KMT2C: variants seen among roughly 807,000 people sequenced by gnomAD.
The protein encoded by KMT2C is lysine methyltransferase 2C.
KMT2C carries 88 observed loss-of-function variants against 507.9 expected under a neutral mutation model. The observed-to-expected ratio is 0.17, with a 90% CI of 0.15 to 0.21. The LOEUF is 0.21. Among genes scored for constraint, KMT2C ranks in the 10% least tolerant of loss-of-function variants. The pLI, the probability that KMT2C is intolerant of heterozygous loss-of-function variation, is 1.00. For synonymous variants in KMT2C, 2,049 were observed against 2,080.8 expected, an observed-to-expected ratio of 0.98 and a Z score of 0.42; for missense variants, 4,954 against 5,957.8, an observed-to-expected ratio of 0.83 and a Z score of 5.55.
rs2095532262 is a variant in KMT2C, at chr7:152,249,679, A to AAAAAAAAC, written c.1813+196_1813+197insGTTTTTTT. Among the ~76,000 whole-genome samples, 2 of 137,588 alleles carry AAAAAAAAC rather than the reference A, an allele frequency of 1.5e-5. 1 individual carries two copies. The highest frequency in any genetic ancestry group is 6.8e-5 in the African/African-American group (2 of 29,578). 90.3% of individuals were successfully genotyped at this position (137,588 alleles called of 152,430 possible). A position where few individuals can be genotyped will look rare whatever the true frequency, so the allele number is the denominator to read the frequency against. On this transcript the variant is annotated intron_variant, in intron 13 of 58. Coordinates refer to ENST00000262189, the MANE Select transcript of KMT2C (RefSeq NM_170606.3). ...AATCATGACCTCCCCCCTCCAAAAA[A>AAAAAAAAC]AAAAAAAAAAAAAAAAAAAACCTTT...
intron 1 of KMT2C, among the ~76,000 whole-genome samples, chr7:152,390,779 T>TAC (rs919796441): frequency 1.4e-4 from 21 of 151,436 alleles, no homozygotes; most frequent in Admixed American, 5.9e-4. Context: ...AGACACCTGC[T>TAC]ACACACACAC....
intron 2 of KMT2C, among the ~76,000 whole-genome samples, chr7:152,354,149 T>C (rs1227582280): frequency 6.6e-6 from 1 of 152,112 alleles, no homozygotes; most frequent in Non-Finnish European, 1.5e-5. Flanking sequence ...TTAAAAAAAA[T>C]AGTTTTCTGC....
chr7:152,409,563 C>CAAAA (rs367688749), intron 1 of KMT2C, among the ~76,000 whole-genome samples: 1 of 98,760 alleles, frequency 1.0e-5, no homozygotes, highest in Non-Finnish European at 2.2e-5. Context: ...GCTAAAAATA[C>CAAAA]AAAAAAAAAA....
chr7:152,192,716 T>C lies in KMT2C; in HGVS notation c.4660+1293A>G, dbSNP rs928471864. ...TATTTCCATTATGTGCATTATGGAATTTTCATGTATATACAAAGTTGTTAG... is the reference window on the plus strand; with the variant it reads ...TATTTCCATTATGTGCATTATGGAACTTTCATGTATATACAAAGTTGTTAG... On this transcript the variant is annotated intron_variant, in intron 31 of 58. Transcript: ENST00000262189. 4.6e-5 allele frequency among the ~76,000 whole-genome samples: 7 copies of C among 152,282 alleles called. No individual in the cohort carries two copies. In the South Asian group the frequency reaches 1.5e-3, roughly 32 times the overall value.
intron 6 of KMT2C, among the ~76,000 whole-genome samples, chr7:152,274,540 C>T (rs2096044791): frequency 2.0e-5 from 3 of 152,180 alleles, no homozygotes; most frequent in Admixed American, 2.0e-4. Context: ...GAGGGGCAGT[C>T]TAGGGCAAGT....
intron 1 of KMT2C, among the ~76,000 whole-genome samples, chr7:152,388,673 G>C (rs1044862131): frequency 6.6e-6 from 1 of 151,732 alleles, no homozygotes; most frequent in Non-Finnish European, 1.5e-5. Flanking sequence ...ATTGTATGGC[G>C]AAAAAACACA....
At chr7:152,215,723 TACACAC>T (rs138045665) in intron 23 of KMT2C, among the ~76,000 whole-genome samples, 3,801 of 135,942 alleles carry the variant, frequency 0.028, 93 homozygotes, top group Non-Finnish European at 0.041. Flanking sequence ...TATATATATA[TACACAC>T]ACACACACAC....
intron 55 of KMT2C, among the ~76,000 whole-genome samples, chr7:152,139,994 T>C (rs976783943): frequency 2.0e-5 from 3 of 152,250 alleles, no homozygotes; most frequent in Admixed American, 6.5e-5. Context: ...CACTAGCTTA[T>C]TCCTACATCT....
chr7:152,212,462 A>G (rs1347317931), intron 23 of KMT2C, among the ~76,000 whole-genome samples: 4 of 152,264 alleles, frequency 2.6e-5, no homozygotes, highest in Non-Finnish European at 4.4e-5. Context: ...CAGCAGAAAA[A>G]AGCGGGTAAA....
intron 18 of KMT2C, among the ~76,000 whole-genome samples, 167 bp from the exon 19 acceptor site, chr7:152,224,783 A>G (rs1265381605): frequency 2.0e-5 from 3 of 152,204 alleles, no homozygotes; most frequent in Non-Finnish European, 4.4e-5. Context: ...GCATGTTCAT[A>G]CACGCTTTTA....
chr7:152,204,840 G>T (rs1277302784), intron 25 of KMT2C, among the ~76,000 whole-genome samples: 3 of 151,826 alleles, frequency 2.0e-5, no homozygotes, highest in African/African-American at 7.3e-5. Context: ...GGAAAAAAGA[G>T]CTTGTCAAAA....
At chr7:152,180,511 C>T (rs995379788) in intron 36 of KMT2C, among the ~76,000 whole-genome samples, 200 bp downstream of exon 36, 3 of 152,108 alleles carry the variant, frequency 2.0e-5, no homozygotes, top group African/African-American at 4.8e-5. Flanking sequence ...CCTGCGAATT[C>T]GTGAAAACTG....
Position 152,171,342 on chromosome 7 carries a change from C to T in KMT2C, c.9375G>A (p.Arg3125=), listed in dbSNP as rs751132154. 18 of 1,597,912 alleles carry T rather than the reference C, an allele frequency of 1.1e-5. No homozygotes were observed. In the East Asian group the frequency reaches 3.8e-4, roughly 34 times the overall value. ...TTACCACCTGGCCCATAAAAGGGAA[C>T]CTGTCAAAACAGGGTACACAAGTAT... ...NLGMPPMVMS[R]FPFMGQVVTG... Residue 3125 remains arginine, a splice_region_variant and synonymous_variant, in exon 40 of 59, where the codon AGG becomes AGA. Transcript: ENST00000262189.
At chr7:152,160,284 G>T (rs771974761) in intron 43 of KMT2C, among the ~76,000 whole-genome samples, 1 of 152,054 alleles carries the variant, frequency 6.6e-6, no homozygotes, top group African/African-American at 2.4e-5. Flanking sequence ...TCTCCAGGGC[G>T]GCAGCAGCAT....
At chr7:152,219,332 A>AT (rs957653279) in intron 23 of KMT2C, among the ~76,000 whole-genome samples, 16 of 152,130 alleles carry the variant, frequency 1.1e-4, no homozygotes, top group Admixed American at 2.6e-4. Context: ...TAATTAACTG[A>AT]TTTTTTTTAA....
intron 1 of KMT2C, among the ~76,000 whole-genome samples, chr7:152,360,557 G>T (rs939807292): frequency 3.3e-5 from 5 of 151,916 alleles, no homozygotes; most frequent in African/African-American, 9.7e-5. Flanking sequence ...TGACCAGCCG[G>T]GCGTAGTGGC....
chr7:152,380,959 A>C (rs1461517340), intron 1 of KMT2C, among the ~76,000 whole-genome samples: 3 of 152,278 alleles, frequency 2.0e-5, no homozygotes, highest in African/African-American at 7.2e-5. Flanking sequence ...AATTTAGCAG[A>C]GAGACTCCAA....
Position 152,297,184 on chromosome 7 carries a change from C to T in KMT2C, c.849+12782G>A, listed in dbSNP as rs546900011. On this transcript the variant is annotated intron_variant, in intron 6 of 58. Coordinates refer to ENST00000262189, the MANE Select transcript of KMT2C (RefSeq NM_170606.3). ...CTGTAGAGCTTTGAGAAATGAGAAA[C>T]AAAAGAGGTGAGCCCTACATATGCC... Among the ~76,000 whole-genome samples, 93 of 151,286 alleles carry T rather than the reference C, an allele frequency of 6.1e-4. 2 individuals are homozygous for T. The South Asian group carries it at 0.014, about 23-fold the overall frequency.
In KMT2C at chr7:152,207,361, T is replaced by C. The variant is rs1415458403; in HGVS notation, c.3780A>G (p.Glu1260=). 1 of 1,612,074 alleles carries C rather than the reference T, an allele frequency of 6.2e-7. No individual in the cohort carries two copies. Among genetic ancestry groups the C allele is most frequent in the Admixed American group, 1.7e-5 (1 of 59,660 alleles). The change falls in exon 24 of 59, where the codon GAA becomes GAG. Residue 1260 remains glutamate, a synonymous_variant. Transcript: ENST00000262189. Reference sequence around the variant, plus strand: ...CATCTGTTCCTTCCACTCCCTTAGTTTCATCATCCACAGCTTCCCGCTCAG... The same window carrying C: ...CATCTGTTCCTTCCACTCCCTTAGTCTCATCATCCACAGCTTCCCGCTCAG... The part of the protein sequence containing the change: ...SSPEREAVDD[E]TKGVEGTDGV...
Sources: allele counts gnomAD v4.1 joint callset (sites outside exome capture counted in the v4.1 genomes callset), GRCh38; gene constraint gnomAD v4.1.1; transcripts MANE v1.5; gene names NCBI Gene and HGNC (gene_info 2026-07-23, HGNC 2026-07-21).